The following MYO10 variants were observed in gnomAD, a reference collection of about 807,000 sequenced individuals.
The protein encoded by MYO10 is myosin X.
MYO10 carries 133 observed loss-of-function variants against 257.3 expected under a neutral mutation model. The observed-to-expected ratio is 0.52, with a 90% CI of 0.45 to 0.60. The LOEUF (loss-of-function observed/expected upper bound fraction) is 0.60, where lower values mean the gene tolerates loss of function less well. Among genes scored for constraint, MYO10 ranks in the 20% least tolerant of loss-of-function variants. The pLI, the probability that MYO10 is intolerant of heterozygous loss-of-function variation, is 0.00. For missense variants in MYO10, 2,399 were observed against 2,635.7 expected, an observed-to-expected ratio of 0.91 and a Z score of 1.97; for synonymous variants, 1,104 against 1,028.6, an observed-to-expected ratio of 1.07 and a Z score of -1.40.
In MYO10 at chr5:16,683,911, C is replaced by T. The variant is rs1737122921; in HGVS notation, c.4015G>A (p.Asp1339Asn). Residue 1339 changes from aspartate to asparagine, a missense_variant, in exon 30 of 41, where the codon GAT (aspartate) becomes AAT (asparagine). Transcript: ENST00000513610. ...GGGCTGTCAGAGGCACACACAGAAT[C>T]AATCAGCCCCACATCCAAGGTGCCC... ...AVGTLDVGLI[D>N]SVCASDSPDR... 1 of 1,613,734 alleles carries T rather than the reference C, an allele frequency of 6.2e-7. No homozygotes were observed. The highest frequency in any genetic ancestry group is 8.5e-7 in the Non-Finnish European group (1 of 1,179,816).
chr5:16,904,445 G>C (rs1322274198), intron 1 of MYO10, among the ~76,000 whole-genome samples: 1 of 152,194 alleles, frequency 6.6e-6, no homozygotes, highest in Non-Finnish European at 1.5e-5. Context: ...GCAGCAACCT[G>C]CGGCTTGTGA....
intron 17 of MYO10, among the ~76,000 whole-genome samples, chr5:16,758,606 C>A (rs533776907): frequency 4.6e-4 from 70 of 152,246 alleles, no homozygotes; most frequent in African/African-American, 1.6e-3. Context: ...AAGCAGTTAA[C>A]GGATGGAAAG....
At chr5:16,870,996 T>C (rs1167266818) in intron 2 of MYO10, among the ~76,000 whole-genome samples, 1 of 152,220 alleles carries the variant, frequency 6.6e-6, no homozygotes, top group Admixed American at 6.5e-5. Flanking sequence ...AACATGGTAT[T>C]TCCTCTGTTG....
At chr5:16,908,644 A>G (rs1283045921) in intron 1 of MYO10, among the ~76,000 whole-genome samples, 3 of 152,254 alleles carry the variant, frequency 2.0e-5, no homozygotes, top group African/African-American at 7.2e-5. Flanking sequence ...CTCTTTAAAT[A>G]TGGGCCTTCT....
At chr5:16,907,721 G>T (rs1480299407) in intron 1 of MYO10, among the ~76,000 whole-genome samples, 2 of 152,170 alleles carry the variant, frequency 1.3e-5, no homozygotes, top group African/African-American at 4.8e-5. Context: ...TGTATTTATG[G>T]TTTGGTTTTT....
intron 19 of MYO10, among the ~76,000 whole-genome samples, chr5:16,747,879 A>C (rs1318464297): frequency 1.4e-5 from 2 of 140,554 alleles, no homozygotes; most frequent in Admixed American, 1.6e-4. Flanking sequence ...AGATCGTGCC[A>C]CTGCACTCTA....
intron 4 of MYO10, 104 bp downstream of exon 4, chr5:16,794,542 T>G: frequency 8.9e-7 from 1 of 1,120,684 alleles, no homozygotes. Context: ...CTCAGGCGGT[T>G]GTAAAAGCTT....
intron 6 of MYO10, among the ~76,000 whole-genome samples, chr5:16,781,442 C>T (rs1741421026): frequency 6.6e-6 from 1 of 152,058 alleles, no homozygotes; most frequent in Admixed American, 6.6e-5. Context: ...CTATGTTGCT[C>T]AGGCTGGCCT....
intron 28 of MYO10, among the ~76,000 whole-genome samples, chr5:16,687,451 G>A (rs256934): frequency 0.039 from 5,860 of 151,112 alleles, 380 homozygotes; most frequent in African/African-American, 0.14. Context: ...TACAAAATGT[G>A]AGCGCTATCA....
chr5:16,749,593 T>C (rs1187779742), intron 19 of MYO10, among the ~76,000 whole-genome samples: 1 of 152,186 alleles, frequency 6.6e-6, no homozygotes, highest in African/African-American at 2.4e-5. Context: ...GGCCCCTGCC[T>C]TTCTGGAGAA....
intron 8 of MYO10, among the ~76,000 whole-genome samples, chr5:16,779,995 G>A (rs1003109640): frequency 3.3e-5 from 5 of 152,088 alleles, no homozygotes; most frequent in African/African-American, 7.2e-5. Context: ...TCTGCCTCCC[G>A]GGTTCAAGCG....
intron 39 of MYO10, among the ~76,000 whole-genome samples, chr5:16,670,158 AAAC>A (rs1736375177): frequency 1.3e-5 from 2 of 152,242 alleles, no homozygotes; most frequent in Non-Finnish European, 1.5e-5. Context: ...TGTAAAGAAA[AAAC>A]AAAGTAAAAT....
chr5:16,710,712 A>T (rs1738558722), intron 21 of MYO10, 196 bp downstream of exon 21: 3 of 587,312 alleles, frequency 5.1e-6, no homozygotes, highest in Non-Finnish European at 9.1e-6. Context: ...AGAGTCCCTG[A>T]CAAGTCAAGG....
chr5:16,866,038 C>T (rs1431836280), intron 2 of MYO10, among the ~76,000 whole-genome samples: 1 of 151,378 alleles, frequency 6.6e-6, no homozygotes, highest in African/African-American at 2.4e-5. Flanking sequence ...CACACACACA[C>T]ACACACACAC....
chr5:16,709,539 C>G (rs1209184133), intron 21 of MYO10, among the ~76,000 whole-genome samples: 1 of 152,088 alleles, frequency 6.6e-6, no homozygotes, highest in Non-Finnish European at 1.5e-5. Flanking sequence ...TGGTTCCCAG[C>G]CAACAACTAG....
In MYO10 at chr5:16,666,814, C is replaced by CCGACACAG. The variant is rs780394673; in HGVS notation, c.6076-29_6076-22dup. 154 of 1,567,342 alleles carry CCGACACAG rather than the reference C, an allele frequency of 9.8e-5. 2 individuals are homozygous for CCGACACAG. In the Middle Eastern group the frequency reaches 1.7e-3, roughly 17 times the overall value. On this transcript the variant is annotated intron_variant, in intron 40 of 40. Transcript: ENST00000513610. ...ACCACCTGCCCAGGGGGAAGCAGAACCGACACAGCGTCACAAGTCTCCCCC... is the reference window on the plus strand; with the variant it reads ...ACCACCTGCCCAGGGGGAAGCAGAACCGACACAGCGACACAGCGTCACAAGTCTCCCCC...
intron 19 of MYO10, among the ~76,000 whole-genome samples, chr5:16,718,527 G>C (rs1386374494): frequency 6.6e-6 from 1 of 152,142 alleles, no homozygotes; most frequent in Admixed American, 6.5e-5. Context: ...TCGACACTCT[G>C]TATCTAGCTG....
At chr5:16,730,501 T>C (rs1739538466) in intron 19 of MYO10, among the ~76,000 whole-genome samples, 1 of 152,172 alleles carries the variant, frequency 6.6e-6, no homozygotes, top group African/African-American at 2.4e-5. Context: ...GGCTTGTATA[T>C]AGTTTAAAAC....
chr5:16,758,694 G>A (rs536514747), intron 17 of MYO10, among the ~76,000 whole-genome samples: 36 of 152,296 alleles, frequency 2.4e-4, no homozygotes, highest in Non-Finnish European at 1.2e-4. Context: ...CAGCTGTGTT[G>A]CTTGGGCAAG....
Sources: allele counts gnomAD v4.1 joint callset (sites outside exome capture counted in the v4.1 genomes callset), GRCh38; gene constraint gnomAD v4.1.1; transcripts MANE v1.5; gene names NCBI Gene and HGNC (gene_info 2026-07-23, HGNC 2026-07-21).